The following DRICH1 variants were observed in gnomAD, a reference collection of about 807,000 sequenced individuals.
The protein encoded by DRICH1 is aspartate-rich protein 1.
In DRICH1, 38 loss-of-function variants were observed where a neutral mutation model predicts 39.5. The ratio of observed to expected loss-of-function variants is 0.96; its 90% CI spans 0.74 to 1.26. The LOEUF (loss-of-function observed/expected upper bound fraction) is 1.26, where lower values mean the gene tolerates loss of function less well. DRICH1 is among the 50% of genes most tolerant of loss of function. DRICH1 has a pLI of 0.00. For synonymous variants in DRICH1, 84 were observed against 99.5 expected (o/e 0.84, Z 0.93); for missense variants, 279 against 270.4 (o/e 1.03, Z -0.22).
At chr22:23,625,184 G>A (rs561401377) in intron 2 of DRICH1, among the ~76,000 whole-genome samples, 3 of 152,216 alleles carry the variant, frequency 2.0e-5, no homozygotes, top group Non-Finnish European at 4.4e-5. Context: ...TACAGTTGAT[G>A]ATGGATGCTG....
At chr22:23,615,057 T>TTTGG (rs1927272972) in intron 8 of DRICH1, among the ~76,000 whole-genome samples, 1 of 152,196 alleles carries the variant, frequency 6.6e-6, no homozygotes, top group African/African-American at 2.4e-5. Flanking sequence ...GGGGGTGATT[T>TTTGG]TTGGTTAGCT....
intron 6 of DRICH1, among the ~76,000 whole-genome samples, chr22:23,617,939 G>C (rs1927468195): frequency 1.3e-5 from 2 of 152,076 alleles, no homozygotes; most frequent in African/African-American, 4.8e-5. Flanking sequence ...CAAATGTTTT[G>C]AAACTCTTCT....
chr22:23,592,571 C>T, the DRICH1 span, among the ~76,000 whole-genome samples: 1 of 152,112 alleles, frequency 6.6e-6, no homozygotes, highest in African/African-American at 2.4e-5. Context: ...TACTCCACAG[C>T]CTCTTCAGGG....
At chr22:23,595,379 A>G in the DRICH1 span, among the ~76,000 whole-genome samples, 17 of 148,780 alleles carry the variant, frequency 1.1e-4, no homozygotes, top group Admixed American at 1.1e-3. Flanking sequence ...GTGAATCTTA[A>G]TGAAATGTTT....
downstream of DRICH1, chr22:23,608,059 T>G (rs1926835078): frequency 6.6e-6 from 1 of 152,322 alleles, no homozygotes; most frequent in South Asian, 2.1e-4. Flanking sequence ...TTTGAGACTC[T>G]GCAGGCACCA....
the DRICH1 span, among the ~76,000 whole-genome samples, chr22:23,596,071 C>T: frequency 6.6e-6 from 1 of 152,218 alleles, no homozygotes; most frequent in Non-Finnish European, 1.5e-5. Context: ...GAAACTGTCC[C>T]TTCATTATCA....
intron 11 of DRICH1, 29 bp from the exon 12 acceptor site, chr22:23,608,797 G>A (rs1190767475): frequency 1.9e-6 from 3 of 1,556,350 alleles, no homozygotes; most frequent in Non-Finnish European, 2.6e-6. Flanking sequence ...CCTTTTTAGT[G>A]AGAGCAGGCT....
chr22:23,588,053 G>A, the DRICH1 span, among the ~76,000 whole-genome samples: 1 of 152,054 alleles, frequency 6.6e-6, no homozygotes, highest in Non-Finnish European at 1.5e-5. Flanking sequence ...GTCTCATACC[G>A]AGGCCTCTTC....
downstream of DRICH1, among the ~76,000 whole-genome samples, chr22:23,605,342 C>T (rs1161598976): frequency 6.6e-6 from 1 of 152,162 alleles, no homozygotes; most frequent in Non-Finnish European, 1.5e-5. Context: ...GGCACCAGCA[C>T]CGTGTAGGCT....
chr22:23,588,203 T>C, the DRICH1 span, among the ~76,000 whole-genome samples: 1 of 152,232 alleles, frequency 6.6e-6, no homozygotes, highest in African/African-American at 2.4e-5. Context: ...CTCAGCTCAC[T>C]GCAACCTCCG....
chr22:23,632,040 TCTCCA>T lies in DRICH1; in HGVS notation c.-22_-18del. 1.2e-6 allele frequency: 2 copies of T among 1,611,802 alleles called. No individual in the cohort carries two copies. The highest frequency in any genetic ancestry group is 2.1e-4 in the Middle Eastern group (1 of 4,782). On this transcript the variant is annotated 5_prime_UTR_variant, in exon 1 of 12. Transcript: ENST00000317749. ...ATTCCCCATGGGGCCTCTCCATGCC[TCTCCA>T]CTCCTGCCTCAGCCTTCAGCGAAAT... is the stretch of plus-strand genomic sequence containing the variant.
the DRICH1 span, among the ~76,000 whole-genome samples, chr22:23,586,428 G>A: frequency 6.6e-6 from 1 of 152,174 alleles, no homozygotes; most frequent in Non-Finnish European, 1.5e-5. Flanking sequence ...GGTCTAGGCT[G>A]CAATGAACTG....
At chr22:23,602,794 G>C in the DRICH1 span, among the ~76,000 whole-genome samples, 1 of 152,002 alleles carries the variant, frequency 6.6e-6, no homozygotes, top group Non-Finnish European at 1.5e-5. Flanking sequence ...GGTTTTATTA[G>C]CTACACCAAA....
chr22:23,629,596 A>G (rs543826233), intron 1 of DRICH1, among the ~76,000 whole-genome samples: 1 of 152,002 alleles, frequency 6.6e-6, no homozygotes, highest in South Asian at 2.1e-4. Flanking sequence ...TCTGCTATGG[A>G]TTGCAGCATT....
rs934830551 is a variant in DRICH1, at chr22:23,613,533, C to T, written c.643+106G>A. ...TTCTATACTGGCAGAATCACTTTCACGAGAACCCCAAGCCTCTTTCCCAGC... is the reference window on the plus strand; with the variant it reads ...TTCTATACTGGCAGAATCACTTTCATGAGAACCCCAAGCCTCTTTCCCAGC... On this transcript the variant is annotated intron_variant, in intron 10 of 11. Coordinates refer to ENST00000317749, the MANE Select transcript of DRICH1 (RefSeq NM_016449.4). 106 of 1,000,812 alleles carry T rather than the reference C, an allele frequency of 1.1e-4. 2 individuals are homozygous for T. Among genetic ancestry groups the T allele is most frequent in the South Asian group, 8.6e-4 (66 of 76,692 alleles). 62.0% of individuals were successfully genotyped at this position (1,000,812 alleles called of 1,614,324 possible).
the DRICH1 span, among the ~76,000 whole-genome samples, chr22:23,590,278 A>ATTTTTTTTTTTTTTTTTTTTTTTT: frequency 7.3e-6 from 1 of 137,528 alleles, no homozygotes; most frequent in African/African-American, 2.7e-5. Context: ...CAGCCCTTTG[A>ATTTTTTTTTTTTTTTTTTTTTTTT]TTTTTTTTTT....
downstream of DRICH1, chr22:23,606,960 A>T (rs754409254): frequency 6.5e-6 from 1 of 152,706 alleles, no homozygotes; most frequent in Non-Finnish European, 1.5e-5. Flanking sequence ...TGCTCTGCAA[A>T]ATCCTTCCTG....
chr22:23,599,729 G>A, the DRICH1 span, among the ~76,000 whole-genome samples: 1 of 152,132 alleles, frequency 6.6e-6, no homozygotes, highest in Non-Finnish European at 1.5e-5. Context: ...AAGCTCCCAG[G>A]CCTGTCTGAG....
chr22:23,589,089 G>GACACACACAC, the DRICH1 span, among the ~76,000 whole-genome samples: 237 of 143,912 alleles, frequency 1.6e-3, 1 homozygote, highest in African/African-American at 5.6e-3. Flanking sequence ...TCTCCCAGCT[G>GACACACACAC]ACACACACAC....
Sources: gnomAD v4.1 joint callset for allele counts (sites outside exome capture counted in the v4.1 genomes callset) on GRCh38, gnomAD v4.1.1 for gene constraint, MANE v1.5 for transcripts, NCBI Gene and HGNC (gene_info 2026-07-23, HGNC 2026-07-21) for gene names.